VRK2: variants seen among roughly 807,000 people sequenced by gnomAD.
VRK2 encodes VRK serine/threonine kinase 2, also known as serine/threonine-protein kinase VRK2.
In VRK2, 60 loss-of-function variants were observed where a neutral mutation model predicts 57.6. The observed-to-expected ratio is 1.04, with a 90% CI of 0.85 to 1.29. The LOEUF (loss-of-function observed/expected upper bound fraction) is 1.29, where lower values mean the gene tolerates loss of function less well. Among genes scored for constraint, VRK2 ranks in the 50% most tolerant of loss-of-function variants. The probability of loss-of-function intolerance (pLI) is 0.00; values close to 1 mark genes in which losing one functional copy is unlikely to be tolerated. For missense variants in VRK2, 705 were observed against 588.1 expected (o/e 1.20, Z -2.06); for synonymous variants, 231 against 199.2 (o/e 1.16, Z -1.35).
At chr2:57,991,560 T>C (rs2104083597) in intron 1 of VRK2, among the ~76,000 whole-genome samples, 1 of 152,238 alleles carries the variant, frequency 6.6e-6, no homozygotes, top group East Asian at 1.9e-4. Context: ...AGAATGTTCA[T>C]AGACATATAA....
At chr2:57,915,739 G>T (rs998038867) in intron 1 of VRK2, among the ~76,000 whole-genome samples, 1 of 152,156 alleles carries the variant, frequency 6.6e-6, no homozygotes, top group Non-Finnish European at 1.5e-5. Context: ...TCCCCAACCC[G>T]CTGGGCTGCA....
At chr2:58,013,125 C>CA (rs1380355006) in intron 1 of VRK2, among the ~76,000 whole-genome samples, 1 of 151,856 alleles carries the variant, frequency 6.6e-6, no homozygotes, top group Non-Finnish European at 1.5e-5. Context: ...AATCAAGCAG[C>CA]AAAAAACAAA....
At chr2:58,035,286 G>A (rs1572809618) in intron 3 of VRK2, among the ~76,000 whole-genome samples, 1 of 151,974 alleles carries the variant, frequency 6.6e-6, no homozygotes, top group Non-Finnish European at 1.5e-5. Context: ...TGGGAGCAGG[G>A]AGATAAAAAC....
intron 1 of VRK2, among the ~76,000 whole-genome samples, chr2:57,948,029 T>C (rs1671313856): frequency 6.6e-6 from 1 of 152,192 alleles, no homozygotes; most frequent in South Asian, 2.1e-4. Flanking sequence ...ATAATTCTAG[T>C]GTCCAAAGCC....
intron 7 of VRK2, among the ~76,000 whole-genome samples, chr2:58,121,062 A>G (rs551969014): frequency 6.6e-6 from 1 of 152,338 alleles, no homozygotes; most frequent in East Asian, 1.9e-4. Context: ...TAAAAGCTCT[A>G]GAGTCAGAAT....
At chr2:57,968,345 T>G (rs1671985074) in intron 1 of VRK2, among the ~76,000 whole-genome samples, 1 of 152,004 alleles carries the variant, frequency 6.6e-6, no homozygotes, top group South Asian at 2.1e-4. Context: ...GAAAAAAGCA[T>G]CTCTCTCATC....
At chr2:58,145,080 A>G (rs1356285603) in intron 11 of VRK2, among the ~76,000 whole-genome samples, 1 of 151,974 alleles carries the variant, frequency 6.6e-6, no homozygotes, top group Non-Finnish European at 1.5e-5. Context: ...AAAAAAGGTG[A>G]TGGCACTTTC....
At chr2:58,151,358 T>C (rs929130832) in intron 12 of VRK2, among the ~76,000 whole-genome samples, 1 of 151,794 alleles carries the variant, frequency 6.6e-6, no homozygotes, top group Admixed American at 6.6e-5. Flanking sequence ...AAATACTCTA[T>C]CTTGAGTTCT....
chr2:58,137,009 T>A (rs1573334556), intron 10 of VRK2, among the ~76,000 whole-genome samples: 1 of 126,830 alleles, frequency 7.9e-6, no homozygotes, highest in African/African-American at 3.5e-5. Context: ...TCATATATAT[T>A]ATATATATCT....
chr2:58,095,398 C>T (rs772664172), intron 7 of VRK2, among the ~76,000 whole-genome samples: 3 of 151,394 alleles, frequency 2.0e-5, no homozygotes, highest in African/African-American at 4.9e-5. Context: ...TATAGATGTT[C>T]ATATATGAAC....
chr2:57,924,609 C>T (rs1024379924), intron 1 of VRK2, among the ~76,000 whole-genome samples: 10 of 151,430 alleles, frequency 6.6e-5, no homozygotes, highest in Non-Finnish European at 4.4e-5. Flanking sequence ...TAATAGTTTT[C>T]CTTTAGGTTT....
intron 3 of VRK2, among the ~76,000 whole-genome samples, chr2:58,034,126 A>G (rs1409010149): frequency 6.6e-6 from 1 of 152,010 alleles, no homozygotes; most frequent in South Asian, 2.1e-4. Flanking sequence ...TAATATATAG[A>G]TAATACCATG....
At chr2:57,949,477 G>A (rs1383573338) in intron 1 of VRK2, among the ~76,000 whole-genome samples, 1 of 152,026 alleles carries the variant, frequency 6.6e-6, no homozygotes, top group East Asian at 1.9e-4. Context: ...TATCATTATT[G>A]TAATTGTTTT....
chr2:58,131,119 C>G (rs191898255), intron 8 of VRK2, among the ~76,000 whole-genome samples: 31 of 152,082 alleles, frequency 2.0e-4, no homozygotes, highest in African/African-American at 7.5e-4. Flanking sequence ...CCCCCAGCCT[C>G]TGATACCATT....
intron 8 of VRK2, among the ~76,000 whole-genome samples, chr2:58,131,422 A>C (rs1679173504): frequency 6.6e-6 from 1 of 151,812 alleles, no homozygotes; most frequent in African/African-American, 2.4e-5. Context: ...GACTTCCTGG[A>C]ACATATGTTA....
chr2:57,915,345 C>A (rs922929380), intron 1 of VRK2, among the ~76,000 whole-genome samples: 1 of 151,930 alleles, frequency 6.6e-6, no homozygotes, highest in African/African-American at 2.4e-5. Flanking sequence ...AGTAATAATT[C>A]TATTATTTTA....
chr2:58,080,790 G>A lies in VRK2; in HGVS notation c.137-3299G>A, dbSNP rs148702465. ...CATTTATATTTTTAGCAGTCTGACA[G>A]TTTATTTCTTCAGCTGGTGAACTTA... is the stretch of plus-strand genomic sequence containing the variant. On this transcript the variant is annotated intron_variant, in intron 2 of 12. Transcript: ENST00000340157. Among the ~76,000 whole-genome samples the A allele has an allele frequency of 4.9e-3, 738 of 151,836 alleles. 4 individuals carry two copies. The highest frequency in any genetic ancestry group is 5.5e-3 in the Non-Finnish European group (374 of 67,836).
intron 1 of VRK2, among the ~76,000 whole-genome samples, chr2:57,910,982 G>A (rs1669968649): frequency 6.6e-6 from 1 of 152,008 alleles, no homozygotes; most frequent in Non-Finnish European, 1.5e-5. Flanking sequence ...AACAGTATTG[G>A]GGAATGATTT....
intron 1 of VRK2, among the ~76,000 whole-genome samples, chr2:57,980,158 G>C (rs972059106): frequency 2.0e-5 from 3 of 152,074 alleles, no homozygotes; most frequent in African/African-American, 2.4e-5. Context: ...CTAACTTCTT[G>C]ATGTAGGCTT....
Sources: gnomAD v4.1 joint callset for allele counts (sites outside exome capture counted in the v4.1 genomes callset) on GRCh38, gnomAD v4.1.1 for gene constraint, MANE v1.5 for transcripts, NCBI Gene and HGNC (gene_info 2026-07-23, HGNC 2026-07-21) for gene names.